HNRNPD: variants seen among roughly 807,000 people sequenced by gnomAD.
HNRNPD encodes heterogeneous nuclear ribonucleoprotein D0.
Under a neutral mutation model 47.9 loss-of-function variants are expected in HNRNPD, and 3 were observed. The observed-to-expected ratio is 0.06, with a 90% CI of 0.03 to 0.16. The LOEUF (loss-of-function observed/expected upper bound fraction) is 0.16. HNRNPD is among the 10% of genes least tolerant of loss of function. The probability of loss-of-function intolerance (pLI) is 1.00; values close to 1 mark genes in which losing one functional copy is unlikely to be tolerated. For missense variants in HNRNPD, 287 were observed against 454.2 expected (o/e 0.63, Z 3.35); for synonymous variants, 171 against 165.1 (o/e 1.04, Z -0.28).
intron 2 of HNRNPD, 101 bp from the exon 3 acceptor site, chr4:82,359,740 G>A (rs1723881765): frequency 1.5e-6 from 1 of 654,868 alleles, no homozygotes; most frequent in Non-Finnish European, 2.5e-6. Context: ...AGTTTACTGG[G>A]CAGTATATTA....
intron 8 of HNRNPD, 38 bp from the exon 9 acceptor site, chr4:82,354,192 C>G (rs1723623144): frequency 6.6e-6 from 1 of 152,302 alleles, no homozygotes; most frequent in African/African-American, 2.4e-5. Context: ...TCACTCTGGG[C>G]AGGCTACAAC....
At chr4:82,371,411 T>C in intron 2 of HNRNPD, 117 bp downstream of exon 2, 4 of 745,420 alleles carry the variant, frequency 5.4e-6, no homozygotes, top group South Asian at 3.6e-5. Flanking sequence ...AAACCTACTG[T>C]ATGTACTATG....
At chr4:82,363,022 T>TTA (rs1230771866) in intron 2 of HNRNPD, among the ~76,000 whole-genome samples, 32 of 142,044 alleles carry the variant, frequency 2.3e-4, no homozygotes, top group Middle Eastern at 3.4e-3. Flanking sequence ...CATAATGATT[T>TTA]TATATATATA....
intron 2 of HNRNPD, among the ~76,000 whole-genome samples, chr4:82,366,135 CAG>C (rs762066868): frequency 1.3e-5 from 2 of 152,158 alleles, no homozygotes; most frequent in Non-Finnish European, 2.9e-5. Context: ...CAAACATTTT[CAG>C]AGACTTCTCT....
chr4:82,369,179 ATAATTT>A (rs891969994), intron 2 of HNRNPD, among the ~76,000 whole-genome samples: 1 of 152,352 alleles, frequency 6.6e-6, no homozygotes, highest in Admixed American at 6.5e-5. Flanking sequence ...CAGACACTAA[ATAATTT>A]TAAAGTACCT....
chr4:82,371,937 TC>T, intron 1 of HNRNPD, among the ~76,000 whole-genome samples: 1 of 151,896 alleles, frequency 6.6e-6, no homozygotes, highest in South Asian at 2.1e-4. Flanking sequence ...CCACCACCAC[TC>T]CCCCAAAACC....
Position 82,352,949 on chromosome 4 carries a change from A to C in HNRNPD, c.*1236T>G, listed in dbSNP as rs914971719. The C allele has an allele frequency of 4.6e-5, 7 of 152,194 alleles. No individual in the cohort carries two copies. Among genetic ancestry groups the C allele is most frequent in the African/African-American group, 1.7e-4 (7 of 41,458 alleles). The allele number at this position is 152,194 out of a possible 1,614,324, so 9.4% of individuals were successfully genotyped here. On this transcript the variant is annotated 3_prime_UTR_variant, in exon 9 of 9. Coordinates refer to ENST00000313899, the MANE Select transcript of HNRNPD (RefSeq NM_031370.3). Reference sequence around the variant, plus strand: ...TATAATAATACATTTCTCATTTGTTACCTTTCTAATGAACTATTCTGAGCA... The same window carrying C: ...TATAATAATACATTTCTCATTTGTTCCCTTTCTAATGAACTATTCTGAGCA...
At chr4:82,355,190 G>C in intron 8 of HNRNPD, 114 bp downstream of exon 8, 2 of 675,546 alleles carry the variant, frequency 3.0e-6, no homozygotes, top group Non-Finnish European at 5.2e-6. Flanking sequence ...GTTATAATAT[G>C]GTAAGCACTT....
At chr4:82,354,322 C>G (rs1056369018) in intron 8 of HNRNPD, 168 bp from the exon 9 acceptor site, 2 of 152,300 alleles carry the variant, frequency 1.3e-5, no homozygotes, top group Non-Finnish European at 2.9e-5. Flanking sequence ...AGTCCATGAG[C>G]TGTAAATCCA....
chr4:82,365,943 T>C (rs1220632414), intron 2 of HNRNPD, among the ~76,000 whole-genome samples: 3 of 151,810 alleles, frequency 2.0e-5, no homozygotes, highest in African/African-American at 7.3e-5. Context: ...TAATGAGACA[T>C]TAAGGTTAGC....
intron 2 of HNRNPD, among the ~76,000 whole-genome samples, chr4:82,360,739 C>T (rs1461679756): frequency 6.6e-6 from 1 of 152,092 alleles, no homozygotes; most frequent in Non-Finnish European, 1.5e-5. Flanking sequence ...GAAACATCTC[C>T]ATCTTGTGGG....
chr4:82,356,356 A>C (rs111856356), intron 7 of HNRNPD, 181 bp downstream of exon 7: 12 of 575,454 alleles, frequency 2.1e-5, no homozygotes, highest in African/African-American at 1.9e-4. Flanking sequence ...CTACCCTTAT[A>C]ATGTGTGTGT....
chr4:82,354,241 G>A (rs1227354269), intron 8 of HNRNPD, 87 bp from the exon 9 acceptor site: 2 of 152,194 alleles, frequency 1.3e-5, no homozygotes, highest in African/African-American at 4.8e-5. Context: ...TTATCCCTAT[G>A]TTCCACTATA....
Position 82,352,868 on chromosome 4 carries a change from G to A in HNRNPD, c.*1317C>T, listed in dbSNP as rs1446613160. The A allele has an allele frequency of 6.6e-6, 1 of 152,156 alleles. No individual in the cohort carries two copies. Among genetic ancestry groups the A allele is most frequent in the Non-Finnish European group, 1.5e-5 (1 of 68,034 alleles). 9.4% of individuals were successfully genotyped at this position (152,156 alleles called of 1,614,324 possible). Reference sequence around the variant, plus strand: ...GTTGGAGGTCAAATTCTTAGCATCAGATGTAACTCCACAAAAGTAAGAAAG... The same window carrying A: ...GTTGGAGGTCAAATTCTTAGCATCAAATGTAACTCCACAAAAGTAAGAAAG... On this transcript the variant is annotated 3_prime_UTR_variant, in exon 9 of 9. Transcript: ENST00000313899.
chr4:82,373,239 G>C, intron 1 of HNRNPD: 1 of 750,648 alleles, frequency 1.3e-6, no homozygotes, highest in South Asian at 1.5e-5. Context: ...AAACGTGTGT[G>C]ATGGGGGAGG....
In HNRNPD at chr4:82,356,838, A is replaced by T. The variant is rs749310228; in HGVS notation, c.811T>A (p.Ser271Thr). The change falls in exon 6 of 9, where the codon TCT (serine) becomes ACT (threonine). Residue 271 changes from serine to threonine, a missense_variant. Physicochemically the swap from Ser to Thr is moderately conservative, Grantham distance 58. This residue lies in a region of HNRNPD where 65 missense variants were observed against 107.1 expected (regional missense o/e 0.61). Transcript: ENST00000313899. The stretch of plus-strand genomic sequence containing the variant: ...GCTCTTCCTGCAAATCCTCCTCTAG[A>T]TCCCCACTGTTGCTGTTGCTGATAT... ...EQYQQQQQWG[S>T]RGGFAGRARG... 3.7e-6 allele frequency: 6 copies of T among 1,614,138 alleles called. No homozygotes were observed. In the South Asian group the frequency reaches 6.6e-5, roughly 18 times the overall value.
At position 82,352,851 on chromosome 4, in the gene HNRNPD, T is replaced by C. The variant is rs190980003; in HGVS notation, c.*1334A>G. 17 of 152,318 alleles carry C rather than the reference T, an allele frequency of 1.1e-4. No homozygotes were observed. Among genetic ancestry groups the C allele is most frequent in the African/African-American group, 3.1e-4 (13 of 41,574 alleles). The allele number at this position is 152,318 out of a possible 1,614,324, so 9.4% of individuals were successfully genotyped here. A position where few individuals can be genotyped will look rare whatever the true frequency, so the allele number is the denominator to read the frequency against. On this transcript the variant is annotated 3_prime_UTR_variant, in exon 9 of 9. Transcript: ENST00000313899. Reference sequence around the variant, plus strand: ...ATTAAAATGTTTGCTTAGTTGGAGGTCAAATTCTTAGCATCAGATGTAACT... The same window carrying C: ...ATTAAAATGTTTGCTTAGTTGGAGGCCAAATTCTTAGCATCAGATGTAACT...
intron 2 of HNRNPD, among the ~76,000 whole-genome samples, chr4:82,362,483 TAAA>T (rs33923598): frequency 4.7e-5 from 7 of 148,138 alleles, no homozygotes; most frequent in African/African-American, 1.7e-4. Flanking sequence ...GCTTAGGCTT[TAAA>T]AAAAAAAAAA....
chr4:82,362,868 G>C (rs1164864283), intron 2 of HNRNPD, among the ~76,000 whole-genome samples: 1 of 151,994 alleles, frequency 6.6e-6, no homozygotes, highest in Admixed American at 6.6e-5. Context: ...CCAAACTGCT[G>C]GGATTACAGG....
Sources: gnomAD v4.1 joint callset for allele counts (sites outside exome capture counted in the v4.1 genomes callset) on GRCh38, gnomAD v4.1.1 for gene constraint, gnomAD v4.1.1 regional missense constraint, MANE v1.5 for transcripts, NCBI Gene and HGNC (gene_info 2026-07-23, HGNC 2026-07-21) for gene names.